Variants in HS1BP3 observed in about 807,000 individuals in gnomAD.
HS1BP3 encodes HCLS1-binding protein 3.
Under a neutral mutation model 33.5 loss-of-function variants are expected in HS1BP3, and 32 were observed. The ratio of observed to expected loss-of-function variants is 0.95; its 90% CI spans 0.72 to 1.28. HS1BP3 has a LOEUF of 1.28. Ranked by LOEUF, HS1BP3 falls within the 50% of genes most tolerant of loss-of-function variation. The pLI is 0.00. For missense variants in HS1BP3, 486 were observed against 502.3 expected (o/e 0.97, Z 0.31); for synonymous variants, 187 against 209.2 (o/e 0.89, Z 0.92).
intron 1 of HS1BP3, among the ~76,000 whole-genome samples, chr2:20,647,578 G>A (rs1174490595): frequency 6.6e-6 from 1 of 152,160 alleles, no homozygotes. Context: ...CGGGCCTAGG[G>A]TGGCCAGCCA....
At chr2:20,584,602 C>G (rs538181736) in intron 5 of HS1BP3, among the ~76,000 whole-genome samples, 1 of 152,328 alleles carries the variant, frequency 6.6e-6, no homozygotes, top group African/African-American at 2.4e-5. Context: ...CCCTGACTCT[C>G]CTTGAAAGAT....
intron 5 of HS1BP3, among the ~76,000 whole-genome samples, chr2:20,580,921 C>G (rs894386623): frequency 6.6e-6 from 1 of 152,350 alleles, no homozygotes; most frequent in East Asian, 1.9e-4. Context: ...GCTGAACTCA[C>G]ACCACGGATA....
Position 20,619,126 on chromosome 2 carries a change from G to T in HS1BP3, c.1040C>A (p.Pro347His). 6.2e-7 allele frequency: 1 copy of T among 1,614,182 alleles called. No homozygotes were observed. Among genetic ancestry groups the T allele is most frequent in the Non-Finnish European group, 8.5e-7 (1 of 1,180,020 alleles). The change falls in exon 7 of 7, where the codon CCC (proline) becomes CAC (histidine). Residue 347 changes from proline to histidine, a missense_variant. Coordinates refer to ENST00000304031, the MANE Select transcript of HS1BP3 (RefSeq NM_022460.4). Reference protein sequence around the residue: ...KPVIPRKPAVPPKAGPAEAVA... With the variant: ...KPVIPRKPAVHPKAGPAEAVA... The stretch of plus-strand genomic sequence containing the variant: ...AGCTTCAGCCGGGCCCGCTTTGGGG[G>T]GAACAGCTGGTTTTCTGGGTATCAC...
intron 6 of HS1BP3, among the ~76,000 whole-genome samples, 195 bp from the exon 7 acceptor site, chr2:20,619,440 G>A (rs535073802): frequency 1.3e-5 from 2 of 152,286 alleles, no homozygotes; most frequent in African/African-American, 4.8e-5. Flanking sequence ...GAGACACGAA[G>A]GCCAGGGCTC....
intron 5 of HS1BP3, among the ~76,000 whole-genome samples, chr2:20,581,029 C>T (rs899762642): frequency 6.6e-6 from 1 of 152,228 alleles, no homozygotes; most frequent in African/African-American, 2.4e-5. Context: ...AGGCAACATC[C>T]TTCCCAAAGA....
At chr2:20,559,092 C>G (rs1444516507), downstream of HS1BP3, among the ~76,000 whole-genome samples, 3 of 152,166 alleles carry the variant, frequency 2.0e-5, no homozygotes, top group African/African-American at 7.2e-5. Context: ...TCTCAGTGGG[C>G]CCTGGAGTGC....
intron 3 of HS1BP3, among the ~76,000 whole-genome samples, chr2:20,593,210 C>T (rs1455696142): frequency 6.6e-6 from 1 of 152,090 alleles, no homozygotes; most frequent in Non-Finnish European, 1.5e-5. Flanking sequence ...TTTGGTATGG[C>T]CAGGCCCTCC....
At chr2:20,588,634 C>G (rs1693739374), downstream of HS1BP3, among the ~76,000 whole-genome samples, 1 of 152,230 alleles carries the variant, frequency 6.6e-6, no homozygotes, top group Non-Finnish European at 1.5e-5. Context: ...GCCTTCCAAG[C>G]CGATTTTTCT....
chr2:20,641,490 G>T (rs1036707372), intron 2 of HS1BP3, among the ~76,000 whole-genome samples: 2 of 152,172 alleles, frequency 1.3e-5, no homozygotes, highest in Non-Finnish European at 2.9e-5. Context: ...CGTGATCAGG[G>T]CCACTGTGTT....
At chr2:20,570,477 A>G in intron 5 of HS1BP3, among the ~76,000 whole-genome samples, 1 of 152,160 alleles carries the variant, frequency 6.6e-6, no homozygotes, top group East Asian at 1.9e-4. Flanking sequence ...TGCCGGGCTC[A>G]TTGGTACTCG....
At chr2:20,603,216 C>A (rs1296134376) in intron 2 of HS1BP3, among the ~76,000 whole-genome samples, 1 of 152,206 alleles carries the variant, frequency 6.6e-6, no homozygotes, top group Non-Finnish European at 1.5e-5. Context: ...TCCAGCAATT[C>A]TACTGTTAGG....
chr2:20,564,238 C>T (rs936945995), intron 5 of HS1BP3, among the ~76,000 whole-genome samples: 30 of 152,296 alleles, frequency 2.0e-4, no homozygotes, highest in African/African-American at 7.2e-4. Flanking sequence ...AGCTTGGGCT[C>T]CCATCATGAC....
At chr2:20,615,661 CTGGTGAGCTAGAGAAA>C (rs1352262570), downstream of HS1BP3, among the ~76,000 whole-genome samples, 10 of 152,328 alleles carry the variant, frequency 6.6e-5, no homozygotes, top group African/African-American at 2.4e-4. Flanking sequence ...AGCTAGGCAG[CTGGTGAGCTAGAGAAA>C]TGGGAATGAC....
chr2:20,578,230 G>C (rs76479734), intron 5 of HS1BP3, among the ~76,000 whole-genome samples: 3 of 152,208 alleles, frequency 2.0e-5, no homozygotes, highest in African/African-American at 4.8e-5. Context: ...AGTGCCTAGC[G>C]TCCTACCTGT....
chr2:20,586,592 C>T (rs898921646), intron 5 of HS1BP3: 4 of 152,178 alleles, frequency 2.6e-5, no homozygotes, highest in African/African-American at 7.2e-5. Flanking sequence ...GACTTTCTAA[C>T]AAACAATGTC....
At chr2:20,562,377 G>A (rs1316233223) in intron 5 of HS1BP3, among the ~76,000 whole-genome samples, 3 of 152,174 alleles carry the variant, frequency 2.0e-5, no homozygotes, top group African/African-American at 7.2e-5. Context: ...TGCTTGGGAG[G>A]CTGAGGCAGG....
At chr2:20,599,491 C>T (rs1694021086) in intron 2 of HS1BP3, among the ~76,000 whole-genome samples, 1 of 152,136 alleles carries the variant, frequency 6.6e-6, no homozygotes, top group South Asian at 2.1e-4. Context: ...CACACCAAAC[C>T]GGGATGCTAT....
At chr2:20,566,391 TC>T (rs1003571901) in intron 5 of HS1BP3, among the ~76,000 whole-genome samples, 2 of 152,176 alleles carry the variant, frequency 1.3e-5, no homozygotes, top group Non-Finnish European at 2.9e-5. Context: ...TCTCAGCATT[TC>T]TGCCCCAGTG....
chr2:20,622,119 C>T, intron 6 of HS1BP3: 1 of 1,187,488 alleles, frequency 8.4e-7, no homozygotes, highest in Non-Finnish European at 1.1e-6. Context: ...GTGTACACCC[C>T]ACGCGGCCTC....
Sources: allele counts gnomAD v4.1 joint callset (sites outside exome capture counted in the v4.1 genomes callset), GRCh38; gene constraint gnomAD v4.1.1; transcripts MANE v1.5; gene names NCBI Gene and HGNC (gene_info 2026-07-23, HGNC 2026-07-21).